HOMER2: variants seen among roughly 807,000 people sequenced by gnomAD.
HOMER2 encodes the protein homer protein homolog 2.
HOMER2 carries 27 observed loss-of-function variants against 47.0 expected under a neutral mutation model. The observed-to-expected ratio is 0.57, with a 90% CI of 0.42 to 0.79. The LOEUF is 0.79. Among genes scored for constraint, HOMER2 ranks in the 30% least tolerant of loss-of-function variants. HOMER2 has a pLI of 0.00. For synonymous variants in HOMER2, 161 were observed against 163.8 expected (o/e 0.98, Z 0.13); for missense variants, 443 against 435.0 (o/e 1.02, Z -0.16).
intron 1 of HOMER2, among the ~76,000 whole-genome samples, chr15:82,981,538 G>A (rs1402851889): frequency 3.9e-5 from 6 of 152,178 alleles, no homozygotes; most frequent in Admixed American, 1.3e-4. Context: ...AGAAAGCAGG[G>A]ACTTGAATAG....
At chr15:82,902,525 T>C (rs965850696) in intron 1 of HOMER2, among the ~76,000 whole-genome samples, 1 of 152,076 alleles carries the variant, frequency 6.6e-6, no homozygotes, top group African/African-American at 2.4e-5. Context: ...AAAAACCAGG[T>C]GGTATGCTGC....
intron 1 of HOMER2, among the ~76,000 whole-genome samples, chr15:82,979,863 T>C (rs1008911538): frequency 3.9e-5 from 6 of 152,110 alleles, no homozygotes; most frequent in Non-Finnish European, 8.8e-5. Flanking sequence ...CAGATGGAAA[T>C]TTCTCACAAG....
intron 3 of HOMER2, among the ~76,000 whole-genome samples, chr15:82,865,651 C>T (rs966037570): frequency 6.6e-6 from 1 of 152,170 alleles, no homozygotes. Flanking sequence ...GCTGTGTCCC[C>T]GAGCTTTGGC....
intron 1 of HOMER2, among the ~76,000 whole-genome samples, chr15:82,983,237 A>G (rs1343635465): frequency 2.0e-5 from 3 of 152,232 alleles, no homozygotes; most frequent in Non-Finnish European, 4.4e-5. Context: ...TAGGTATTCA[A>G]AGTACCCTGC....
At position 82,971,533 on chromosome 15, in the gene HOMER2, G is replaced by T. The variant is rs145530967; in HGVS notation, n.83-12225C>A. Among the ~76,000 whole-genome samples, 1,301 of 152,098 alleles carry T rather than the reference G, an allele frequency of 8.6e-3. 10 individuals carry two copies. Among genetic ancestry groups the T allele is most frequent in the Non-Finnish European group, 0.015 (1,004 of 67,996 alleles). The stretch of plus-strand genomic sequence containing the variant: ...TGACACCATTTTCAAATAAATTTTA[G>T]TAATTGTGTCACTATCCAGCCTGGA... On this transcript the variant is annotated intron_variant and non_coding_transcript_variant, in intron 1 of 1. Coordinates refer to the HOMER2 transcript ENST00000500334.
chr15:82,840,221 A>G (rs915845452), exon 2 of HOMER2: 1 of 152,168 alleles, frequency 6.6e-6, no homozygotes, highest in Admixed American at 6.6e-5. Context: ...AAGGTGGGAA[A>G]ATAATAAAGG....
At chr15:82,895,672 G>C (rs1309193537) in intron 1 of HOMER2, among the ~76,000 whole-genome samples, 2 of 152,218 alleles carry the variant, frequency 1.3e-5, no homozygotes, top group Non-Finnish European at 2.9e-5. Context: ...CCACGGGTTA[G>C]AGAAGGCCTT....
intron 1 of HOMER2, among the ~76,000 whole-genome samples, chr15:82,910,132 C>CAAAAAAAAAA (rs35191408): frequency 9.0e-5 from 2 of 22,130 alleles, no homozygotes; most frequent in African/African-American, 2.4e-4. Flanking sequence ...GATTCTGTCT[C>CAAAAAAAAAA]AAAAAAAAAA....
At chr15:82,933,192 G>C (rs944183681) in intron 1 of HOMER2, among the ~76,000 whole-genome samples, 3 of 151,764 alleles carry the variant, frequency 2.0e-5, no homozygotes, top group Admixed American at 2.0e-4. Context: ...ACTCTCCATA[G>C]GATGGGCAGG....
rs1342637831 is a variant in HOMER2, at chr15:82,934,692, T to C, written c.5+17839A>G. ...CCTGGCCGAACCCCAGCCTGATGCC[T>C]TCTGCCACCTGCTTCCTCCACACCC... On this transcript the variant is annotated intron_variant, in intron 1 of 8. Coordinates refer to ENST00000450735, the MANE Select transcript of HOMER2 (RefSeq NM_004839.4). Among the ~76,000 whole-genome samples the C allele has an allele frequency of 2.6e-5, 4 of 152,202 alleles. No homozygotes were observed. In the East Asian group the frequency reaches 7.7e-4, roughly 29 times the overall value.
chr15:82,978,642 T>C (rs1328811543), intron 1 of HOMER2, among the ~76,000 whole-genome samples: 1 of 152,148 alleles, frequency 6.6e-6, no homozygotes, highest in Non-Finnish European at 1.5e-5. Flanking sequence ...CCGTGTGTTG[T>C]GGGAGGGAGG....
intron 1 of HOMER2, among the ~76,000 whole-genome samples, chr15:82,905,247 C>T (rs1175827919): frequency 6.8e-6 from 1 of 146,854 alleles, no homozygotes; most frequent in East Asian, 2.1e-4. Flanking sequence ...AGTTCTGAAA[C>T]TTTCAAAACT....
chr15:82,843,441 T>TC (rs2051197451), exon 2 of HOMER2: 1 of 7,714 alleles, frequency 1.3e-4, no homozygotes, highest in Non-Finnish European at 2.4e-4. Context: ...GGACCCCGTC[T>TC]CAAAAAAAAA....
intron 1 of HOMER2, among the ~76,000 whole-genome samples, chr15:82,908,526 C>T (rs1486178863): frequency 1.3e-5 from 2 of 152,122 alleles, no homozygotes; most frequent in African/African-American, 4.8e-5. Context: ...CCACTTTAAC[C>T]TTTACAGGGA....
chr15:82,839,455 A>G (rs1025691141), exon 2 of HOMER2: 7 of 152,386 alleles, frequency 4.6e-5, no homozygotes, highest in East Asian at 1.9e-4. Flanking sequence ...AAGAACTTCC[A>G]AAGTATCTTG....
At position 82,913,897 on chromosome 15, in the gene HOMER2, A is replaced by G. The variant is rs190374371; in HGVS notation, c.6-21056T>C. Among the ~76,000 whole-genome samples, 780 of 152,308 alleles carry G rather than the reference A, an allele frequency of 5.1e-3. No homozygotes were observed. The highest frequency in any genetic ancestry group is 7.1e-3 in the Non-Finnish European group (484 of 68,028). On this transcript the variant is annotated intron_variant, in intron 1 of 8. Coordinates refer to ENST00000450735, the MANE Select transcript of HOMER2 (RefSeq NM_004839.4). This position sits in a 1 kb window ranked among gnomAD's most constrained non-coding sequence, Gnocchi z 4.1. ...TCTAGGTATATACCCAAAAGCATTGAAAGCAGACCCAAACAGCTACTTGTA... is the reference window on the plus strand; with the variant it reads ...TCTAGGTATATACCCAAAAGCATTGGAAGCAGACCCAAACAGCTACTTGTA...
chr15:82,928,173 A>G (rs376080316), intron 1 of HOMER2, among the ~76,000 whole-genome samples: 27 of 152,148 alleles, frequency 1.8e-4, no homozygotes, highest in African/African-American at 6.0e-4. Context: ...GGCTAAATCT[A>G]TTGTGTGCAA....
At chr15:82,900,290 C>T (rs186472127) in intron 1 of HOMER2, among the ~76,000 whole-genome samples, 1 of 152,152 alleles carries the variant, frequency 6.6e-6, no homozygotes, top group East Asian at 1.9e-4. Context: ...CATAGCAAGA[C>T]CCATTTTTTA....
intron 1 of HOMER2, among the ~76,000 whole-genome samples, chr15:82,936,312 C>T (rs542245328): frequency 3.9e-5 from 6 of 152,306 alleles, no homozygotes; most frequent in African/African-American, 1.4e-4. Context: ...CTAAGCACAA[C>T]CTGCAGTTAT....
Sources: allele counts gnomAD v4.1 joint callset (sites outside exome capture counted in the v4.1 genomes callset), GRCh38; gene constraint gnomAD v4.1.1; non-coding constraint Gnocchi (gnomAD v3.1); transcripts MANE v1.5; gene names NCBI Gene and HGNC (gene_info 2026-07-23, HGNC 2026-07-21).